The following STK3 variants were observed in gnomAD, a reference collection of about 807,000 sequenced individuals.
STK3 encodes the protein serine/threonine kinase 3, also known as serine/threonine-protein kinase 3.
Under a neutral mutation model 58.0 loss-of-function variants are expected in STK3, and 41 were observed. The ratio of observed to expected loss-of-function variants is 0.71; its 90% confidence interval spans 0.55 to 0.92. The LOEUF (loss-of-function observed/expected upper bound fraction) is 0.92, where lower values mean the gene tolerates loss of function less well. Among genes scored for constraint, STK3 ranks in the 40% least tolerant of loss-of-function variants. The probability of loss-of-function intolerance (pLI) is 0.00; values close to 1 mark genes in which losing one functional copy is unlikely to be tolerated. For synonymous variants in STK3, 170 were observed against 191.0 expected (o/e 0.89, Z 0.91); for missense variants, 479 against 602.7 (o/e 0.79, Z 2.15).
At chr8:98,792,937 G>A (rs1587636551) in intron 1 of STK3, among the ~76,000 whole-genome samples, 1 of 151,348 alleles carries the variant, frequency 6.6e-6, no homozygotes, top group East Asian at 1.9e-4. Context: ...TTACATATGT[G>A]TGTACATATA....
intron 4 of STK3, among the ~76,000 whole-genome samples, chr8:98,717,804 T>C (rs1236597679): frequency 6.6e-6 from 1 of 152,148 alleles, no homozygotes; most frequent in Non-Finnish European, 1.5e-5. Flanking sequence ...CCAAATGTCA[T>C]TCGACAGACA....
At chr8:98,555,667 G>A (rs770987541) in intron 8 of STK3, among the ~76,000 whole-genome samples, 9 of 152,106 alleles carry the variant, frequency 5.9e-5, no homozygotes, top group East Asian at 5.8e-4. Context: ...AGAAAAAAAC[G>A]TGTAAAATAT....
chr8:98,856,072 T>G (rs1270878293), intron 3 of STK3, among the ~76,000 whole-genome samples: 21 of 150,010 alleles, frequency 1.4e-4, no homozygotes, highest in Non-Finnish European at 2.4e-4. Flanking sequence ...GAGGAGAAGT[T>G]TGAACCCAGG....
At chr8:98,490,313 A>G (rs954706458) in intron 10 of STK3, among the ~76,000 whole-genome samples, 2 of 152,152 alleles carry the variant, frequency 1.3e-5, no homozygotes, top group Non-Finnish European at 2.9e-5. Flanking sequence ...TTCTAGTTAG[A>G]TAACTGTATT....
chr8:98,923,828 C>CGTGT (rs55929161), intron 1 of STK3, among the ~76,000 whole-genome samples: 2,114 of 144,284 alleles, frequency 0.015, 29 homozygotes, highest in Middle Eastern at 0.035. Context: ...TTTGCAAAAA[C>CGTGT]GTGTGTGTGT....
chr8:98,688,944 C>A (rs542984402), intron 6 of STK3, among the ~76,000 whole-genome samples: 20 of 151,992 alleles, frequency 1.3e-4, no homozygotes, highest in African/African-American at 4.6e-4. Flanking sequence ...GAACAAAAAA[C>A]CATACAAAAG....
Position 98,623,605 on chromosome 8 carries a change from G to A in STK3, c.685-27436C>T, listed in dbSNP as rs148789271. ...TTGAGAACAGCCTGGGCAACGTAGC[G>A]ACAGCCCGTCTCTACAAAATATACA... On this transcript the variant is annotated intron_variant, in intron 6 of 10. Coordinates refer to ENST00000419617, the MANE Select transcript of STK3 (RefSeq NM_006281.4). Among the ~76,000 whole-genome samples the A allele has an allele frequency of 4.2e-3, 645 of 152,234 alleles. 5 individuals are homozygous for A. Among genetic ancestry groups the A allele is most frequent in the African/African-American group, 0.014 (596 of 41,540 alleles).
chr8:98,362,547 T>C, the STK3 span, among the ~76,000 whole-genome samples: 1 of 152,156 alleles, frequency 6.6e-6, no homozygotes, highest in Admixed American at 6.5e-5. Flanking sequence ...GGGGGACACT[T>C]TTCCCTGAAG....
the STK3 span, among the ~76,000 whole-genome samples, chr8:98,365,996 C>A: frequency 6.6e-6 from 1 of 151,892 alleles, no homozygotes; most frequent in African/African-American, 2.4e-5. Context: ...AAAACATGTA[C>A]AGGAATTTCC....
chr8:98,383,967 T>A lies in STK3; in HGVS notation n.56+4225A>T, dbSNP rs1050617840. Among the ~76,000 whole-genome samples, 3 of 152,164 alleles carry A rather than the reference T, an allele frequency of 2.0e-5. No individual in the cohort carries two copies. In the South Asian group the frequency reaches 6.2e-4, roughly 32 times the overall value. On this transcript the variant is annotated intron_variant and non_coding_transcript_variant, in intron 1 of 2. Transcript: ENST00000518704. ...CTAAGATGGATTCTCCTCCCACATA[T>A]CCAGGTGAGACCACATCGTTAGAAG...
chr8:98,848,043 A>T (rs1836278215), intron 3 of STK3, among the ~76,000 whole-genome samples: 1 of 152,194 alleles, frequency 6.6e-6, no homozygotes, highest in African/African-American at 2.4e-5. Flanking sequence ...GTTTAAAAAA[A>T]CAGTTGTATA....
intron 1 of STK3, chr8:98,904,559 C>T: frequency 1.9e-6 from 1 of 523,534 alleles, no homozygotes; most frequent in Non-Finnish European, 3.8e-6. Context: ...ATGCCCGCAG[C>T]CCGAGGGTTC....
At chr8:98,813,864 G>A (rs1223432025) in intron 1 of STK3, among the ~76,000 whole-genome samples, 3 of 152,008 alleles carry the variant, frequency 2.0e-5, no homozygotes, top group South Asian at 4.2e-4. Context: ...ACATATTCAC[G>A]TCCTATTAAA....
chr8:98,909,477 A>G (rs1312946806), intron 1 of STK3, among the ~76,000 whole-genome samples: 1 of 152,234 alleles, frequency 6.6e-6, no homozygotes, highest in East Asian at 1.9e-4. Context: ...TTCAAAAAGA[A>G]ATCTCCGTAA....
intron 1 of STK3, among the ~76,000 whole-genome samples, chr8:98,801,032 G>GC: frequency 6.6e-6 from 1 of 152,356 alleles, no homozygotes; most frequent in African/African-American, 2.4e-5. Flanking sequence ...GATTCACTAG[G>GC]CGAAGCCAGC....
intron 7 of STK3, among the ~76,000 whole-genome samples, chr8:98,587,988 G>A (rs1308567312): frequency 6.6e-6 from 1 of 152,116 alleles, no homozygotes; most frequent in East Asian, 1.9e-4. Context: ...TAGCCTATGT[G>A]TGTCTCTGCA....
At chr8:98,516,555 G>A (rs1378266057) in intron 10 of STK3, among the ~76,000 whole-genome samples, 1 of 151,856 alleles carries the variant, frequency 6.6e-6, no homozygotes, top group Non-Finnish European at 1.5e-5. Context: ...ACAAAGCAAG[G>A]GGAAATTATC....
At chr8:98,912,376 T>TCAACAA (rs149065670) in intron 1 of STK3, among the ~76,000 whole-genome samples, 1 of 150,594 alleles carries the variant, frequency 6.6e-6, no homozygotes, top group Admixed American at 6.6e-5. Context: ...AGACTGCATC[T>TCAACAA]CAACAACAAC....
At chr8:98,872,266 T>C (rs901521678) in intron 3 of STK3, among the ~76,000 whole-genome samples, 11 of 152,228 alleles carry the variant, frequency 7.2e-5, no homozygotes, top group African/African-American at 2.7e-4. Context: ...TGAGGATTTT[T>C]GCATTGATGT....
Sources: allele counts gnomAD v4.1 joint callset (sites outside exome capture counted in the v4.1 genomes callset), GRCh38; gene constraint gnomAD v4.1.1; transcripts MANE v1.5; gene names NCBI Gene and HGNC (gene_info 2026-07-23, HGNC 2026-07-21).